Variants in PRKACB observed in about 807,000 individuals in gnomAD.
PRKACB encodes protein kinase cAMP-activated catalytic subunit beta, also known as cAMP-dependent protein kinase catalytic subunit beta.
Under a neutral mutation model 51.4 loss-of-function variants are expected in PRKACB, and 16 were observed. That is an observed-to-expected ratio of 0.31 (90% CI 0.21 to 0.47). PRKACB has a LOEUF of 0.47. Among genes scored for constraint, PRKACB ranks in the 20% least tolerant of loss-of-function variants. The probability of loss-of-function intolerance (pLI) is 1.00; values close to 1 mark genes in which losing one functional copy is unlikely to be tolerated. For missense variants in PRKACB, 309 were observed against 464.5 expected (o/e 0.67, Z 3.08); for synonymous variants, 147 against 154.4 (o/e 0.95, Z 0.35).
At chr1:84,207,328 C>T (rs1328711671) in intron 8 of PRKACB, among the ~76,000 whole-genome samples, 1 of 152,152 alleles carries the variant, frequency 6.6e-6, no homozygotes, top group Non-Finnish European at 1.5e-5. Context: ...AGAGAGCCCA[C>T]AGATGCAGTA....
intron 9 of PRKACB, among the ~76,000 whole-genome samples, chr1:84,221,344 G>A (rs1314020406): frequency 6.7e-6 from 1 of 149,654 alleles, no homozygotes; most frequent in Non-Finnish European, 1.5e-5. Context: ...TTTTTTCTTG[G>A]TTAGTCTAGC....
At chr1:84,105,334 C>T (rs1649651086) in intron 1 of PRKACB, among the ~76,000 whole-genome samples, 1 of 152,096 alleles carries the variant, frequency 6.6e-6, no homozygotes, top group Non-Finnish European at 1.5e-5. Flanking sequence ...GAGAAACTTT[C>T]CTCTTTCATG....
intron 1 of PRKACB, among the ~76,000 whole-genome samples, chr1:84,133,536 C>G (rs1208110042): frequency 6.6e-6 from 1 of 152,114 alleles, no homozygotes; most frequent in Non-Finnish European, 1.5e-5. Context: ...TTCCCTGATG[C>G]CTTCGTGGTG....
chr1:84,078,772 TCTCC>T lies in PRKACB; in HGVS notation c.46+406_46+409del, dbSNP rs777773566. On this transcript the variant is annotated intron_variant, in intron 1 of 8. Coordinates refer to the PRKACB transcript ENST00000370688. ...TAGTGCTGTGGGTAAGGTTGGCTCT[TCTCC>T]CTCCATCACTTGGGTCCGACCCAAC... Among the ~76,000 whole-genome samples, 185 of 152,226 alleles carry T rather than the reference TCTCC, an allele frequency of 1.2e-3. 1 individual carries two copies. The highest frequency in any genetic ancestry group is 2.1e-3 in the Non-Finnish European group (146 of 68,008).
intron 1 of PRKACB, chr1:84,078,419 G>A (rs754738469): frequency 1.4e-5 from 23 of 1,594,766 alleles, no homozygotes; most frequent in Non-Finnish European, 1.9e-5. Context: ...GCCGGCGCGG[G>A]GCACCGAGCG....
intron 9 of PRKACB, among the ~76,000 whole-genome samples, chr1:84,227,690 A>T (rs1472476712): frequency 6.7e-6 from 1 of 150,368 alleles, no homozygotes; most frequent in Non-Finnish European, 1.5e-5. Context: ...TGTAACATAC[A>T]GATTGTAGTA....
At chr1:84,095,341 A>T (rs187367880) in intron 1 of PRKACB, among the ~76,000 whole-genome samples, 21 of 150,666 alleles carry the variant, frequency 1.4e-4, no homozygotes, top group Admixed American at 1.3e-3. Context: ...CCTAGTGATG[A>T]ATTATGTCAG....
At chr1:84,094,084 A>AT (rs913726950) in intron 1 of PRKACB, among the ~76,000 whole-genome samples, 77 of 151,322 alleles carry the variant, frequency 5.1e-4, no homozygotes, top group African/African-American at 1.6e-3. Flanking sequence ...GTCCTTATAC[A>AT]TTTTTTTTGC....
intron 1 of PRKACB, among the ~76,000 whole-genome samples, chr1:84,158,552 T>C: frequency 6.6e-6 from 1 of 151,968 alleles, no homozygotes; most frequent in East Asian, 1.9e-4. Flanking sequence ...TCAATAATTC[T>C]TTGTATATTC....
At chr1:84,090,551 G>A (rs1648377507) in intron 1 of PRKACB, among the ~76,000 whole-genome samples, 1 of 152,182 alleles carries the variant, frequency 6.6e-6, no homozygotes, top group African/African-American at 2.4e-5. Context: ...AACACATGAA[G>A]CCTTGCTCAT....
At chr1:84,086,093 CACA>C in intron 1 of PRKACB, 1 of 1,417,118 alleles carries the variant, frequency 7.1e-7, no homozygotes, top group Non-Finnish European at 1.0e-6. Flanking sequence ...TATTGATGAC[CACA>C]CAGACCTCGC....
chr1:84,142,256 A>G (rs916049942), upstream of PRKACB, among the ~76,000 whole-genome samples: 1 of 152,188 alleles, frequency 6.6e-6, no homozygotes, highest in Non-Finnish European at 1.5e-5. Flanking sequence ...GAGGTCAGTG[A>G]AAACAAAGCA....
At chr1:84,107,021 C>A (rs1649810326) in intron 1 of PRKACB, among the ~76,000 whole-genome samples, 1 of 151,832 alleles carries the variant, frequency 6.6e-6, no homozygotes, top group African/African-American at 2.4e-5. Flanking sequence ...ACAAAAAAAC[C>A]AAACCTGTTG....
upstream of PRKACB, among the ~76,000 whole-genome samples, chr1:84,139,595 C>T (rs959630232): frequency 1.3e-5 from 2 of 152,154 alleles, no homozygotes; most frequent in South Asian, 2.1e-4. Flanking sequence ...AATGAAGAGA[C>T]ATGCTATGAT....
chr1:84,213,709 A>C (rs1672466436), intron 8 of PRKACB, among the ~76,000 whole-genome samples: 2 of 152,180 alleles, frequency 1.3e-5, no homozygotes, highest in South Asian at 4.1e-4. Flanking sequence ...TTTTTGATAG[A>C]TCTCTTTTCA....
Position 84,200,271 on chromosome 1 carries a change from C to T in PRKACB, c.784-2412C>T, listed in dbSNP as rs116389366. 4.1e-3 allele frequency among the ~76,000 whole-genome samples: 625 copies of T among 152,098 alleles called. 1 individual carries two copies. The highest frequency in any genetic ancestry group is 0.015 in the African/African-American group (602 of 41,502). ...AGCATTTTTTCATATCTTTGTTGGC[C>T]GCATGTATGTCTTGTTTTAGAAAGT... On this transcript the variant is annotated intron_variant, in intron 7 of 9. Transcript: ENST00000370685.
intron 1 of PRKACB, chr1:84,164,542 G>A (rs1196585979): frequency 7.0e-6 from 10 of 1,435,204 alleles, no homozygotes; most frequent in Non-Finnish European, 8.5e-6. Flanking sequence ...AAATAAAAAG[G>A]TATTTTATTT....
intron 1 of PRKACB, among the ~76,000 whole-genome samples, chr1:84,097,909 G>T (rs559351627): frequency 5.9e-5 from 9 of 152,142 alleles, no homozygotes; most frequent in Non-Finnish European, 1.2e-4. Context: ...TCTTTATTCA[G>T]CCTGCTGATT....
intron 1 of PRKACB, among the ~76,000 whole-genome samples, chr1:84,091,875 T>A (rs1648502712): frequency 6.6e-6 from 1 of 152,150 alleles, no homozygotes; most frequent in Admixed American, 6.5e-5. Flanking sequence ...TAATCTTTAT[T>A]GTACTCAGGG....
Sources: allele counts gnomAD v4.1 joint callset (sites outside exome capture counted in the v4.1 genomes callset), GRCh38; gene constraint gnomAD v4.1.1; transcripts MANE v1.5; gene names NCBI Gene and HGNC (gene_info 2026-07-23, HGNC 2026-07-21).